The following COL5A1 variants were observed in gnomAD, a reference collection of about 807,000 sequenced individuals.
The protein encoded by COL5A1 is collagen alpha-1(V) chain.
COL5A1 carries 16 observed loss-of-function variants against 263.7 expected under a neutral mutation model. That is an observed-to-expected ratio of 0.06 (90% CI 0.04 to 0.09). The LOEUF (loss-of-function observed/expected upper bound fraction) is 0.09, where lower values mean the gene tolerates loss of function less well. Among genes scored for constraint, COL5A1 ranks in the 10% least tolerant of loss-of-function variants. The probability of loss-of-function intolerance (pLI) is 1.00; values close to 1 mark genes in which losing one functional copy is unlikely to be tolerated. For missense variants in COL5A1, 2,036 were observed against 2,540.5 expected (o/e 0.80, Z 4.27); for synonymous variants, 1,012 against 1,004.5 (o/e 1.01, Z -0.14).
At chr9:134,767,111 C>T in intron 23 of COL5A1, 58 bp downstream of exon 23, 1 of 1,580,700 alleles carries the variant, frequency 6.3e-7, no homozygotes, top group East Asian at 2.3e-5. Flanking sequence ...GCACACGTCT[C>T]CAGTCCGGAG....
intron 18 of COL5A1, among the ~76,000 whole-genome samples, chr9:134,759,968 C>T (rs1836245737): frequency 7.7e-6 from 1 of 130,194 alleles, no homozygotes; most frequent in Non-Finnish European, 1.6e-5. Flanking sequence ...CACTCATGCA[C>T]ACATGCACAC....
intron 45 of COL5A1, 22 bp downstream of exon 45, chr9:134,811,414 C>G: frequency 6.2e-7 from 1 of 1,613,910 alleles, no homozygotes; most frequent in African/African-American, 1.3e-5. Flanking sequence ...TGGTCAATGA[C>G]CTTCGAAAAG....
chr9:134,750,480 G>A (rs1419679727), intron 11 of COL5A1, 62 bp from the exon 12 acceptor site: 5 of 1,497,090 alleles, frequency 3.3e-6, no homozygotes, highest in East Asian at 4.5e-5. Context: ...CCTCATTCTC[G>A]CTGCAGCCCA....
At chr9:134,738,350 C>A (rs2132654943) in intron 9 of COL5A1, 124 bp from the exon 10 acceptor site, 3 of 1,077,370 alleles carry the variant, frequency 2.8e-6, no homozygotes, top group East Asian at 4.8e-5. Flanking sequence ...CGTGACTCCC[C>A]AGGACAGCAG....
chr9:134,692,944 G>A (rs532092905), intron 2 of COL5A1, among the ~76,000 whole-genome samples: 10 of 152,094 alleles, frequency 6.6e-5, no homozygotes, highest in East Asian at 5.8e-4. Context: ...GTGGTGGTGC[G>A]CGCCTGTAAT....
At chr9:134,777,947 T>A (rs911916868) in intron 27 of COL5A1, among the ~76,000 whole-genome samples, 2 of 152,238 alleles carry the variant, frequency 1.3e-5, no homozygotes, top group African/African-American at 4.8e-5. Context: ...GATTTTCCTG[T>A]GCGTTTCAGA....
At chr9:134,814,460 C>T (rs2132852825) in intron 49 of COL5A1, among the ~76,000 whole-genome samples, 1 of 152,332 alleles carries the variant, frequency 6.6e-6, no homozygotes, top group South Asian at 2.1e-4. Flanking sequence ...CTGGTTCTAG[C>T]TGCTCCCTCC....
intron 1 of COL5A1, among the ~76,000 whole-genome samples, chr9:134,676,362 C>T (rs191944816): frequency 2.0e-5 from 3 of 152,154 alleles, no homozygotes; most frequent in South Asian, 2.1e-4. Context: ...CATCTCAGGC[C>T]GTCTGCATGA....
At position 134,701,274 on chromosome 9, in the gene COL5A1, A is replaced by T; in HGVS notation, c.595A>T (p.Ile199Phe). The T allele has an allele frequency of 6.2e-7, 1 of 1,613,970 alleles. No homozygotes were observed. The highest frequency in any genetic ancestry group is 1.1e-5 in the South Asian group (1 of 91,068). The change falls in exon 4 of 66, where the codon ATC becomes TTC. Residue 199 changes from isoleucine (I) to phenylalanine (F), a missense_variant. By Grantham distance (21) the Ile-to-Phe change is conservative. Coordinates refer to ENST00000371817, the MANE Select transcript of COL5A1 (RefSeq NM_000093.5). Reference sequence around the variant, plus strand: ...CCTCGACCGCAGCGACCACCCCATGATCGACATCAATGGCATCATCGTGTT... The same window carrying T: ...CCTCGACCGCAGCGACCACCCCATGTTCGACATCAATGGCATCATCGTGTT... ...KFLDRSDHPM[I>F]DINGIIVFGT... is the part of the protein sequence containing the mutation.
chr9:134,784,783 G>A (rs1019614988), intron 29 of COL5A1, among the ~76,000 whole-genome samples: 8 of 152,272 alleles, frequency 5.3e-5, no homozygotes, highest in African/African-American at 1.9e-4. Flanking sequence ...CAGAGCCCGG[G>A]AGCCCGGGAA....
chr9:134,692,697 T>C (rs1376169657), intron 2 of COL5A1, among the ~76,000 whole-genome samples: 4 of 152,228 alleles, frequency 2.6e-5, no homozygotes, highest in Admixed American at 1.3e-4. Context: ...ACACACTCAC[T>C]GGACTTTGTC....
intron 24 of COL5A1, among the ~76,000 whole-genome samples, chr9:134,768,124 C>T (rs1026638723): frequency 6.6e-6 from 1 of 152,202 alleles, no homozygotes; most frequent in Non-Finnish European, 1.5e-5. Flanking sequence ...ATGATGCCCC[C>T]CCGGGCCCCA....
intron 1 of COL5A1, among the ~76,000 whole-genome samples, chr9:134,654,375 G>GT (rs1831831490): frequency 1.5e-5 from 2 of 132,304 alleles, no homozygotes; most frequent in African/African-American, 5.8e-5. Flanking sequence ...GTAGGGCTGG[G>GT]GTGTATAGTG....
rs1838722069 is a variant in COL5A1, at chr9:134,815,751, C to G, written c.4068+122C>G. On this transcript the variant is annotated intron_variant, in intron 51 of 65. Transcript: ENST00000371817. Reference sequence around the variant, plus strand: ...AACTCCCACTGGGGCAGGCAATGTCCCAAAAGGCACTCGTGTTCCGGTGAT... The same window carrying G: ...AACTCCCACTGGGGCAGGCAATGTCGCAAAAGGCACTCGTGTTCCGGTGAT... 3.9e-6 allele frequency: 5 copies of G among 1,282,498 alleles called. 1 individual carries two copies. The South Asian group carries it at 6.3e-5, about 16-fold the overall frequency. The allele number at this position is 1,282,498 out of a possible 1,614,324, so 79.4% of individuals were successfully genotyped here.
intron 2 of COL5A1, among the ~76,000 whole-genome samples, chr9:134,693,679 G>T (rs547139366): frequency 6.6e-6 from 1 of 152,254 alleles, no homozygotes; most frequent in Admixed American, 6.5e-5. Context: ...GCCATACCCC[G>T]CCTCGCCCCT....
chr9:134,649,404 T>C (rs1831591044), intron 1 of COL5A1: 1 of 427,256 alleles, frequency 2.3e-6, no homozygotes, highest in African/African-American at 2.1e-5. Flanking sequence ...CAAAATTTAA[T>C]TACTCAGAGC....
intron 13 of COL5A1, among the ~76,000 whole-genome samples, 167 bp from the exon 14 acceptor site, chr9:134,752,422 G>T (rs988162574): frequency 1.9e-5 from 2 of 104,156 alleles, no homozygotes; most frequent in Admixed American, 1.9e-4. Flanking sequence ...TCGAAGTCGG[G>T]GGGGGGGGGC....
chr9:134,763,560 T>G, intron 19 of COL5A1, 133 bp from the exon 20 acceptor site: 1 of 903,486 alleles, frequency 1.1e-6, no homozygotes, highest in East Asian at 2.5e-5. Flanking sequence ...CCTTTCCGGC[T>G]GGTACCAGAG....
chr9:134,735,056 C>CA (rs1486840716), intron 9 of COL5A1, among the ~76,000 whole-genome samples: 30 of 151,880 alleles, frequency 2.0e-4, no homozygotes, highest in African/African-American at 6.3e-4. Flanking sequence ...ACTAAAACTA[C>CA]AAAAAAATTA....
Sources: gnomAD v4.1 joint callset for allele counts (sites outside exome capture counted in the v4.1 genomes callset) on GRCh38, gnomAD v4.1.1 for gene constraint, MANE v1.5 for transcripts, NCBI Gene and HGNC (gene_info 2026-07-23, HGNC 2026-07-21) for gene names.